Variants in ZC2HC1A observed in about 807,000 individuals in gnomAD.
ZC2HC1A encodes the protein zinc finger C2HC-type containing 1A, also known as zinc finger C2HC domain-containing protein 1A.
ZC2HC1A carries 28 observed loss-of-function variants against 40.7 expected under a neutral mutation model. The ratio of observed to expected loss-of-function variants is 0.69; its 90% CI spans 0.51 to 0.94. ZC2HC1A has a LOEUF of 0.94. Among genes scored for constraint, ZC2HC1A ranks in the 40% least tolerant of loss-of-function variants. The pLI is 0.00. For missense variants in ZC2HC1A, 389 were observed against 386.3 expected (o/e 1.01, Z -0.06); for synonymous variants, 129 against 129.2 (o/e 1.00, Z 0.01).
At chr8:78,673,277 G>T (rs921883695) in intron 1 of ZC2HC1A, among the ~76,000 whole-genome samples, 2 of 152,118 alleles carry the variant, frequency 1.3e-5, no homozygotes, top group African/African-American at 4.8e-5. Flanking sequence ...AGTATTCCAT[G>T]GTAGACATGT....
chr8:78,716,652 C>T (rs1405929464), intron 8 of ZC2HC1A, among the ~76,000 whole-genome samples: 1 of 152,104 alleles, frequency 6.6e-6, no homozygotes, highest in East Asian at 1.9e-4. Flanking sequence ...GAAAGGACAT[C>T]ATAAATGTTC....
At chr8:78,712,923 C>T (rs1459866128) in intron 7 of ZC2HC1A, among the ~76,000 whole-genome samples, 1 of 152,068 alleles carries the variant, frequency 6.6e-6, no homozygotes, top group African/African-American at 2.4e-5. Context: ...ATAAATTTAA[C>T]TAGATAAACA....
intron 6 of ZC2HC1A, among the ~76,000 whole-genome samples, chr8:78,697,992 G>T (rs1810485565): frequency 6.6e-6 from 1 of 151,948 alleles, no homozygotes; most frequent in Non-Finnish European, 1.5e-5. Context: ...CTTTTTTGTT[G>T]TTTTTTTCAG....
chr8:78,683,303 C>T lies in ZC2HC1A; in HGVS notation c.211-3164C>T, dbSNP rs192301726. Among the ~76,000 whole-genome samples, 3 of 152,352 alleles carry T rather than the reference C, an allele frequency of 2.0e-5. No homozygotes were observed. In the East Asian group the frequency reaches 5.8e-4, roughly 29 times the overall value. ...TAGCAGAGGTTCTCCATGAGGGCCCCGCCCCTGAAACAAACTTCTTCCTGG... is the reference window on the plus strand; with the variant it reads ...TAGCAGAGGTTCTCCATGAGGGCCCTGCCCCTGAAACAAACTTCTTCCTGG... On this transcript the variant is annotated intron_variant, in intron 3 of 8. Transcript: ENST00000263849.
intron 4 of ZC2HC1A, among the ~76,000 whole-genome samples, chr8:78,687,029 G>GTA (rs1375824657): frequency 6.6e-6 from 1 of 152,054 alleles, no homozygotes; most frequent in African/African-American, 2.4e-5. Flanking sequence ...TTCCTAAAAT[G>GTA]TATAATTCAT....
At chr8:78,694,369 C>T (rs10109359) in intron 5 of ZC2HC1A, among the ~76,000 whole-genome samples, 1 of 151,290 alleles carries the variant, frequency 6.6e-6, no homozygotes, top group Non-Finnish European at 1.5e-5. Flanking sequence ...ACAAGTAAAA[C>T]GGTATTCATG....
intron 5 of ZC2HC1A, among the ~76,000 whole-genome samples, chr8:78,691,689 T>C (rs7001074): frequency 0.69 from 104,037 of 151,822 alleles, 36,498 homozygotes; most frequent in East Asian, 0.91. Flanking sequence ...TTTTCTTTTT[T>C]GGCTTTCTAG....
In ZC2HC1A at chr8:78,717,475, T is replaced by A. The variant is rs749172086; in HGVS notation, c.960T>A (p.Ile320=). The A allele has an allele frequency of 4.4e-6, 7 of 1,580,348 alleles. No homozygotes were observed. The Admixed American group carries it at 1.4e-4, about 31-fold the overall frequency. ...CCAAATTTTGCTGTGAATGTGGCATTCGAAGAATGATTCTATGAATAGAAT... is the reference window on the plus strand; with the variant it reads ...CCAAATTTTGCTGTGAATGTGGCATACGAAGAATGATTCTATGAATAGAAT... ...EWAKFCCECG[I]RRMIL Residue 320 remains isoleucine, a synonymous_variant, in exon 9 of 9, where the codon ATT becomes ATA. Coordinates refer to ENST00000263849, the MANE Select transcript of ZC2HC1A (RefSeq NM_016010.3).
intron 5 of ZC2HC1A, among the ~76,000 whole-genome samples, chr8:78,694,252 G>A (rs1364180426): frequency 6.7e-6 from 1 of 149,984 alleles, no homozygotes; most frequent in Non-Finnish European, 1.5e-5. Context: ...GATAATTATA[G>A]CAATATCAAG....
chr8:78,708,455 G>A (rs1810850098), intron 7 of ZC2HC1A, among the ~76,000 whole-genome samples: 1 of 152,004 alleles, frequency 6.6e-6, no homozygotes, highest in Admixed American at 6.6e-5. Flanking sequence ...AGGTGGGAGA[G>A]TCGCTTGAAC....
rs1336216206 is a variant in ZC2HC1A at position 78,718,755 on chromosome 8, TTAG to T, written c.*1269_*1271del. ...TGTCACTTTCAGTATATCATAGTAG[TTAG>T]TAGTAGATTGCCTTGATGGCAGTAA... On this transcript the variant is annotated 3_prime_UTR_variant, in exon 9 of 9. Transcript: ENST00000263849. 6.6e-6 allele frequency: 1 copy of T among 151,898 alleles called. No homozygotes were observed. The highest frequency in any genetic ancestry group is 2.4e-5 in the African/African-American group (1 of 41,460). The allele number at this position is 151,898 out of a possible 1,614,324, so 9.4% of individuals were successfully genotyped here.
At chr8:78,678,447 A>T in intron 2 of ZC2HC1A, 116 bp from the exon 3 acceptor site, 1 of 716,320 alleles carries the variant, frequency 1.4e-6, no homozygotes, top group Non-Finnish European at 2.3e-6. Flanking sequence ...ATTATTTTGT[A>T]TTCAGGTTTT....
rs764018480 is a variant in ZC2HC1A at position 78,666,118 on chromosome 8, G to T, written c.-31G>T. The stretch of plus-strand genomic sequence containing the variant: ...CTGGGCGGTGGCGGGCGCTGCTGAA[G>T]GAGTCTCGCTGAGCTCGAGGAGGTG... On this transcript the variant is annotated 5_prime_UTR_variant, in exon 1 of 9. It adds an upstream start codon to the 5' untranslated region. Coordinates refer to ENST00000263849, the MANE Select transcript of ZC2HC1A (RefSeq NM_016010.3). 1.3e-6 allele frequency: 2 copies of T among 1,562,308 alleles called. No individual in the cohort carries two copies. The highest frequency in any genetic ancestry group is 3.9e-5 in the Admixed American group (2 of 51,820).
intron 1 of ZC2HC1A, among the ~76,000 whole-genome samples, chr8:78,669,791 T>C (rs1809390019): frequency 1.3e-5 from 2 of 152,138 alleles, no homozygotes; most frequent in Non-Finnish European, 2.9e-5. Flanking sequence ...ACATTTTATA[T>C]ATTAGTTTTT....
chr8:78,667,470 A>G (rs1047072426), intron 1 of ZC2HC1A, among the ~76,000 whole-genome samples: 1 of 152,196 alleles, frequency 6.6e-6, no homozygotes, highest in African/African-American at 2.4e-5. Context: ...TGAGATTATC[A>G]TATATAATAT....
chr8:78,688,675 A>G (rs1810105007), intron 4 of ZC2HC1A, among the ~76,000 whole-genome samples: 1 of 152,138 alleles, frequency 6.6e-6, no homozygotes, highest in Non-Finnish European at 1.5e-5. Context: ...TGTTTCTTAA[A>G]TTTGAATTAT....
In ZC2HC1A at chr8:78,717,346, A is replaced by C. The variant is rs141485055; in HGVS notation, c.831A>C (p.Ala277=). Residue 277 remains alanine (A), a synonymous_variant, in exon 9 of 9, where the codon GCA becomes GCC. Coordinates refer to ENST00000263849, the MANE Select transcript of ZC2HC1A (RefSeq NM_016010.3). The stretch of plus-strand genomic sequence containing the variant: ...TTTTTAGGCCAGATGGGGACTGTGC[A>C]TCTTCCCTTAATGGTGGAAATATTA... ...SYIARPDGDC[A]SSLNGGNIKG... is the part of the protein sequence containing the mutation. 5.0e-6 allele frequency: 8 copies of C among 1,608,948 alleles called. No homozygotes were observed. In the African/African-American group the frequency reaches 6.7e-5, roughly 13 times the overall value.
intron 1 of ZC2HC1A, among the ~76,000 whole-genome samples, chr8:78,673,488 C>T (rs937399523): frequency 6.6e-6 from 1 of 152,126 alleles, no homozygotes; most frequent in Admixed American, 6.5e-5. Context: ...GAAGAATCAC[C>T]ACACTGACTT....
At chr8:78,687,002 T>TA (rs547701119) in intron 4 of ZC2HC1A, among the ~76,000 whole-genome samples, 48 of 151,992 alleles carry the variant, frequency 3.2e-4, no homozygotes, top group Admixed American at 9.2e-4. Flanking sequence ...GAGATTGATA[T>TA]AAAAAAAATC....
Sources: gnomAD v4.1 joint callset for allele counts (sites outside exome capture counted in the v4.1 genomes callset) on GRCh38, gnomAD v4.1.1 for gene constraint, MANE v1.5 for transcripts, NCBI Gene and HGNC (gene_info 2026-07-23, HGNC 2026-07-21) for gene names.